Variants in ZBTB20 observed in about 807,000 individuals in gnomAD.
The protein encoded by ZBTB20 is zinc finger and BTB domain-containing protein 20.
A neutral mutation model predicts 56.9 loss-of-function variants in ZBTB20; 9 were observed. The observed-to-expected ratio is 0.16, with a 90% CI of 0.10 to 0.28. The LOEUF is 0.28. Ranked by LOEUF, ZBTB20 falls within the 10% of genes least tolerant of loss-of-function variation. The pLI, the probability that ZBTB20 is intolerant of heterozygous loss-of-function variation, is 1.00. For missense variants in ZBTB20, 655 were observed against 1,003.0 expected, an observed-to-expected ratio of 0.65 and a Z score of 4.69; for synonymous variants, 417 against 420.7, an observed-to-expected ratio of 0.99 and a Z score of 0.11.
chr3:114,850,873 A>G (rs1233943631), intron 4 of ZBTB20, among the ~76,000 whole-genome samples: 2 of 152,220 alleles, frequency 1.3e-5, no homozygotes, highest in African/African-American at 4.8e-5. Flanking sequence ...GGATAGGCAC[A>G]CTTTTCTGGG....
intron 4 of ZBTB20, among the ~76,000 whole-genome samples, chr3:114,878,309 T>C (rs2076270807): frequency 6.6e-6 from 1 of 152,148 alleles, no homozygotes; most frequent in African/African-American, 2.4e-5. Context: ...TATGGCATCA[T>C]GCTCTCCAGT....
At chr3:115,126,711 T>C (rs2084343631) in intron 1 of ZBTB20, among the ~76,000 whole-genome samples, 1 of 152,170 alleles carries the variant, frequency 6.6e-6, no homozygotes, top group Admixed American at 6.5e-5. Flanking sequence ...TTATAAGTGG[T>C]AAAGCTGTAT....
chr3:114,383,152 T>G (rs2084605220), intron 8 of ZBTB20, among the ~76,000 whole-genome samples: 1 of 152,192 alleles, frequency 6.6e-6, no homozygotes, highest in Non-Finnish European at 1.5e-5. Context: ...TGAGGGGTAT[T>G]TAATAAGAGC....
At chr3:114,672,699 A>T (rs1427516798) in intron 6 of ZBTB20, among the ~76,000 whole-genome samples, 22 of 152,142 alleles carry the variant, frequency 1.4e-4, no homozygotes. Context: ...CTTTCCTGGA[A>T]GCGCTGTAGC....
chr3:114,691,167 A>T (rs1336886977), intron 6 of ZBTB20, among the ~76,000 whole-genome samples: 1 of 152,212 alleles, frequency 6.6e-6, no homozygotes, highest in African/African-American at 2.4e-5. Flanking sequence ...GTTACATGTT[A>T]GAAAATATGA....
chr3:114,998,682 T>A (rs2079122714), intron 2 of ZBTB20, among the ~76,000 whole-genome samples: 1 of 151,704 alleles, frequency 6.6e-6, no homozygotes, highest in East Asian at 2.0e-4. Context: ...CAGGAAGGGA[T>A]CAAGCTGAGC....
intron 2 of ZBTB20, among the ~76,000 whole-genome samples, chr3:114,999,236 G>A (rs941818085): frequency 3.5e-5 from 5 of 141,870 alleles, no homozygotes; most frequent in Non-Finnish European, 7.7e-5. Flanking sequence ...AAAGGGGGAG[G>A]GAAATGAAAG....
chr3:114,729,956 A>ATTTTTTTTTTTTTTTTTTTTTT (rs1229757252), intron 5 of ZBTB20, among the ~76,000 whole-genome samples: 2 of 119,450 alleles, frequency 1.7e-5, no homozygotes, highest in Non-Finnish European at 3.5e-5. Flanking sequence ...CATCCGGCTA[A>ATTTTTTTTTTTTTTTTTTTTTT]TTTTTTTTTT....
intron 5 of ZBTB20, among the ~76,000 whole-genome samples, chr3:114,771,065 T>A (rs559864175): frequency 6.6e-6 from 1 of 152,210 alleles, no homozygotes; most frequent in Non-Finnish European, 1.5e-5. Context: ...AGTCAGCCCA[T>A]ATATGACTTC....
intron 5 of ZBTB20, among the ~76,000 whole-genome samples, chr3:114,781,209 G>A (rs1269865466): frequency 6.6e-6 from 1 of 151,930 alleles, no homozygotes; most frequent in Non-Finnish European, 1.5e-5. Flanking sequence ...CTTGACCTTG[G>A]GCAAATTTTT....
intron 1 of ZBTB20, among the ~76,000 whole-genome samples, chr3:115,143,708 A>T (rs1035407449): frequency 6.6e-6 from 1 of 152,188 alleles, no homozygotes; most frequent in Non-Finnish European, 1.5e-5. Context: ...CGTTTTATTA[A>T]TTTCAAAGAC....
At chr3:115,035,684 G>C (rs1268934060) in intron 2 of ZBTB20, among the ~76,000 whole-genome samples, 1 of 152,128 alleles carries the variant, frequency 6.6e-6, no homozygotes, top group East Asian at 1.9e-4. Flanking sequence ...ACTACCATAT[G>C]ACAGAGCAAT....
chr3:114,519,960 G>GT (rs1202454112), intron 6 of ZBTB20: 1 of 151,894 alleles, frequency 6.6e-6, no homozygotes, highest in East Asian at 1.9e-4. Context: ...ACCTACTGAG[G>GT]TTATAGGGGT....
rs185956586 is a variant in ZBTB20 at position 114,755,531 on chromosome 3, C to T, written c.-343+45570G>A. ...TAATGGTTATTATAAAAGTGAATGCCTTCTAATCTTTGATTTGCTGCTAAA... is the reference window on the plus strand; with the variant it reads ...TAATGGTTATTATAAAAGTGAATGCTTTCTAATCTTTGATTTGCTGCTAAA... On this transcript the variant is annotated intron_variant, in intron 5 of 11. Coordinates refer to ENST00000675478, the MANE Select transcript of ZBTB20 (RefSeq NM_001348800.3). Among the ~76,000 whole-genome samples, 68 of 152,172 alleles carry T rather than the reference C, an allele frequency of 4.5e-4. 1 individual carries two copies. The East Asian group carries it at 0.013, about 28-fold the overall frequency.
At chr3:114,362,866 A>G (rs1349654075) in intron 10 of ZBTB20, among the ~76,000 whole-genome samples, 1 of 152,226 alleles carries the variant, frequency 6.6e-6, no homozygotes, top group African/African-American at 2.4e-5. Context: ...TAGGGAAGCT[A>G]ACCTGCTTGG....
intron 4 of ZBTB20, among the ~76,000 whole-genome samples, chr3:114,853,066 T>C (rs1042941824): frequency 1.3e-5 from 2 of 152,232 alleles, no homozygotes; most frequent in Non-Finnish European, 2.9e-5. Context: ...CTGAAGGTGA[T>C]CAACAGTGGC....
chr3:114,762,825 T>G (rs1175647177), intron 5 of ZBTB20, among the ~76,000 whole-genome samples: 6 of 152,190 alleles, frequency 3.9e-5, no homozygotes, highest in Non-Finnish European at 8.8e-5. Context: ...ATACCTGGAT[T>G]GGTTACAACT....
At chr3:114,657,139 G>C (rs1278032901) in intron 6 of ZBTB20, among the ~76,000 whole-genome samples, 1 of 151,988 alleles carries the variant, frequency 6.6e-6, no homozygotes, top group Non-Finnish European at 1.5e-5. Flanking sequence ...ACAAACTCTG[G>C]GTTTGGTTAT....
chr3:114,754,394 T>C (rs2067840976), intron 5 of ZBTB20, among the ~76,000 whole-genome samples: 2 of 152,150 alleles, frequency 1.3e-5, no homozygotes, highest in Admixed American at 6.6e-5. Flanking sequence ...TTTTGGGAGA[T>C]AAAATCTCCC....
Sources: gnomAD v4.1 joint callset for allele counts (sites outside exome capture counted in the v4.1 genomes callset) on GRCh38, gnomAD v4.1.1 for gene constraint, MANE v1.5 for transcripts, NCBI Gene and HGNC (gene_info 2026-07-23, HGNC 2026-07-21) for gene names.